Variants in STK33 observed in about 807,000 individuals in gnomAD.
STK33 encodes the protein serine/threonine-protein kinase 33.
A neutral mutation model predicts 58.0 loss-of-function variants in STK33; 52 were observed. The observed-to-expected ratio is 0.90, with a 90% CI of 0.72 to 1.13. The LOEUF is 1.13. Ranked by LOEUF, STK33 falls within the 50% of genes most tolerant of loss-of-function variation. The pLI, the probability that STK33 is intolerant of heterozygous loss-of-function variation, is 0.00. For synonymous variants in STK33, 215 were observed against 200.1 expected, an observed-to-expected ratio of 1.07 and a Z score of -0.63; for missense variants, 630 against 604.2, an observed-to-expected ratio of 1.04 and a Z score of -0.45.
chr11:8,483,638 G>A (rs1949999319), intron 1 of STK33, among the ~76,000 whole-genome samples: 1 of 152,078 alleles, frequency 6.6e-6, no homozygotes, highest in Non-Finnish European at 1.5e-5. Flanking sequence ...GGGGGCACAG[G>A]GCATCAATGT....
chr11:8,349,458 C>T, the STK33 span, among the ~76,000 whole-genome samples: 1 of 152,206 alleles, frequency 6.6e-6, no homozygotes, highest in African/African-American at 2.4e-5. Flanking sequence ...CATGCAGGGC[C>T]CACGCTCAGA....
intron 1 of STK33, among the ~76,000 whole-genome samples, chr11:8,544,805 A>T (rs1171617375): frequency 2.6e-5 from 4 of 152,236 alleles, no homozygotes; most frequent in Non-Finnish European, 5.9e-5. Context: ...ACACTAAGTC[A>T]ATTATAAATG....
chr11:8,384,849 C>T, the STK33 span, among the ~76,000 whole-genome samples: 12 of 152,152 alleles, frequency 7.9e-5, no homozygotes, highest in Admixed American at 1.3e-4. Flanking sequence ...CCGGACTCCG[C>T]GCATTCATGG....
At chr11:8,556,988 T>TA (rs1385129859) in intron 1 of STK33, among the ~76,000 whole-genome samples, 1 of 151,840 alleles carries the variant, frequency 6.6e-6, no homozygotes, top group Non-Finnish European at 1.5e-5. Context: ...TGGTGTCTCA[T>TA]GCCTGTAATC....
the STK33 span, among the ~76,000 whole-genome samples, chr11:8,347,572 A>C: frequency 6.6e-6 from 1 of 152,210 alleles, no homozygotes; most frequent in Admixed American, 6.5e-5. Context: ...AGCCGAGAGA[A>C]ACGAGCGCTA....
chr11:8,549,589 G>C (rs1487108732), intron 1 of STK33, among the ~76,000 whole-genome samples: 1 of 152,072 alleles, frequency 6.6e-6, no homozygotes, highest in African/African-American at 2.4e-5. Context: ...ACATTTGTTA[G>C]AATTCAGTAG....
chr11:8,546,176 A>T (rs1286746058), intron 1 of STK33, among the ~76,000 whole-genome samples: 1 of 152,218 alleles, frequency 6.6e-6, no homozygotes, highest in African/African-American at 2.4e-5. Context: ...GTCAGTAGTG[A>T]GTGAATGTGA....
chr11:8,443,705 T>TA (rs1945052422), intron 11 of STK33, among the ~76,000 whole-genome samples: 1 of 151,930 alleles, frequency 6.6e-6, no homozygotes, highest in Admixed American at 6.6e-5. Flanking sequence ...GAAGTTATAA[T>TA]AAAAAACAAA....
intron 1 of STK33, among the ~76,000 whole-genome samples, chr11:8,582,279 T>A (rs902348917): frequency 6.6e-6 from 1 of 152,178 alleles, no homozygotes; most frequent in African/African-American, 2.4e-5. Context: ...CAACAGGAAC[T>A]AAGGACAAAA....
At chr11:8,442,110 T>C (rs866843027) in intron 11 of STK33, among the ~76,000 whole-genome samples, 39 of 152,060 alleles carry the variant, frequency 2.6e-4, no homozygotes, top group African/African-American at 8.9e-4. Flanking sequence ...ATTTCCTCCT[T>C]TTTCCTCTGC....
intron 1 of STK33, among the ~76,000 whole-genome samples, chr11:8,513,182 C>T (rs1179326346): frequency 1.3e-5 from 2 of 152,134 alleles, no homozygotes; most frequent in Non-Finnish European, 1.5e-5. Context: ...TCATGGAGAG[C>T]GTGTGGAGCT....
chr11:8,529,852 C>A (rs1954375173), intron 1 of STK33, among the ~76,000 whole-genome samples: 1 of 152,188 alleles, frequency 6.6e-6, no homozygotes, highest in African/African-American at 2.4e-5. Context: ...CCCAGTGAAA[C>A]TGATTTCAGA....
chr11:8,502,728 T>C (rs1432761375), intron 1 of STK33, among the ~76,000 whole-genome samples: 1 of 152,182 alleles, frequency 6.6e-6, no homozygotes, highest in African/African-American at 2.4e-5. Context: ...ACTTGCAAAC[T>C]ATGCAACTGA....
At chr11:8,577,823 T>C (rs933255150) in intron 1 of STK33, among the ~76,000 whole-genome samples, 2 of 152,114 alleles carry the variant, frequency 1.3e-5, no homozygotes, top group Admixed American at 6.6e-5. Flanking sequence ...TAAAACCTCC[T>C]TTTGCCCATT....
At position 8,457,412 on chromosome 11, in the gene STK33, T is replaced by C. The variant is rs1367515631; in HGVS notation, c.626A>G (p.His209Arg). The change falls in exon 9 of 16, where the codon CAT becomes CGT. Residue 209 changes from histidine (H) to arginine (R), a missense_variant. Transcript: ENST00000687296. The stretch of plus-strand genomic sequence containing the variant: ...CCACCTTGTCTCATTCTCTGAGAAA[T>C]GCCCTTTCCTATCCAGAATTTCTTT... ...ELKEILDRKG[H>R]FSENETRWII... 6.2e-7 allele frequency: 1 copy of C among 1,608,818 alleles called. No individual in the cohort carries two copies. The highest frequency in any genetic ancestry group is 8.5e-7 in the Non-Finnish European group (1 of 1,176,416).
intron 1 of STK33, among the ~76,000 whole-genome samples, chr11:8,495,676 T>C (rs535529012): frequency 5.9e-5 from 9 of 152,212 alleles, no homozygotes; most frequent in African/African-American, 2.2e-4. Context: ...CTATTCACAA[T>C]AGGAAAGACT....
intron 15 of STK33, among the ~76,000 whole-genome samples, chr11:8,395,650 C>T (rs1161483441): frequency 1.3e-5 from 2 of 152,112 alleles, no homozygotes; most frequent in African/African-American, 4.8e-5. Flanking sequence ...AATCCTCATT[C>T]TTTTTTCTGG....
At chr11:8,356,175 G>A in the STK33 span, among the ~76,000 whole-genome samples, 22 of 152,356 alleles carry the variant, frequency 1.4e-4, no homozygotes, top group South Asian at 4.3e-3. Context: ...GGGACTTACA[G>A]GAGGTGTGCA....
chr11:8,348,910 T>C, the STK33 span, among the ~76,000 whole-genome samples: 31 of 152,220 alleles, frequency 2.0e-4, no homozygotes, highest in African/African-American at 6.5e-4. Flanking sequence ...ACATTATTTT[T>C]AAAATATCAT....
Sources: gnomAD v4.1 joint callset for allele counts (sites outside exome capture counted in the v4.1 genomes callset) on GRCh38, gnomAD v4.1.1 for gene constraint, MANE v1.5 for transcripts, NCBI Gene and HGNC (gene_info 2026-07-23, HGNC 2026-07-21) for gene names.